Variants in DHX36 observed in about 807,000 individuals in gnomAD.
The protein encoded by DHX36 is ATP-dependent DNA/RNA helicase DHX36.
Under a neutral mutation model 139.0 loss-of-function variants are expected in DHX36, and 50 were observed. The ratio of observed to expected loss-of-function variants is 0.36; its 90% CI spans 0.29 to 0.46. The LOEUF is 0.46. Among genes scored for constraint, DHX36 ranks in the 20% least tolerant of loss-of-function variants. The probability of loss-of-function intolerance (pLI) is 1.00; values close to 1 mark genes in which losing one functional copy is unlikely to be tolerated. For missense variants in DHX36, 1,024 were observed against 1,211.3 expected, an observed-to-expected ratio of 0.85 and a Z score of 2.29; for synonymous variants, 425 against 401.9, an observed-to-expected ratio of 1.06 and a Z score of -0.69.
chr3:154,285,906 G>C (rs1485155598), intron 17 of DHX36, among the ~76,000 whole-genome samples: 3 of 150,404 alleles, frequency 2.0e-5, no homozygotes. Context: ...ATCTTACAAG[G>C]ACATCTGAAG....
chr3:154,318,471 G>GT (rs1713071952), intron 1 of DHX36, among the ~76,000 whole-genome samples: 1 of 151,800 alleles, frequency 6.6e-6, no homozygotes, highest in Non-Finnish European at 1.5e-5. Flanking sequence ...CTTCCTGCCC[G>GT]TAACAGCACA....
intron 19 of DHX36, among the ~76,000 whole-genome samples, chr3:154,284,064 G>T (rs573916885): frequency 3.3e-5 from 5 of 151,940 alleles, no homozygotes; most frequent in Non-Finnish European, 5.9e-5. Flanking sequence ...TCCCCAAAAC[G>T]GTAAATGTAA....
chr3:154,275,294 T>C lies in DHX36; in HGVS notation c.*877A>G, dbSNP rs1488026805. ...TACCTAATACAATGTAAATACTATA[T>C]AAATAGCTGTTAAACTGTATTGTTT... On this transcript the variant is annotated 3_prime_UTR_variant, in exon 25 of 25. Coordinates refer to ENST00000496811, the MANE Select transcript of DHX36 (RefSeq NM_020865.3). The C allele has an allele frequency of 2.0e-5, 3 of 152,252 alleles. No individual in the cohort carries two copies. The highest frequency in any genetic ancestry group is 2.1e-4 in the South Asian group (1 of 4,832). 9.4% of individuals were successfully genotyped at this position (152,252 alleles called of 1,614,324 possible). A position where few individuals can be genotyped will look rare whatever the true frequency, so the allele number is the denominator to read the frequency against.
chr3:154,324,367 C>T lies in DHX36; in HGVS notation c.50G>A (p.Ser17Asn), dbSNP rs758611003. Residue 17 changes from serine to asparagine, a missense_variant, in exon 1 of 25, where the codon AGC becomes AAC. By Grantham distance (46) the Ser-to-Asn change is conservative. Around this residue, in one of 4 missense-constraint regions of DHX36, gnomAD observed 293 missense variants for 274.4 expected, o/e 1.07. Coordinates refer to ENST00000496811, the MANE Select transcript of DHX36 (RefSeq NM_020865.3). Reference protein sequence around the residue: ...QNWGRDGGPRSSGGGYGGGPA... With the variant: ...QNWGRDGGPRNSGGGYGGGPA... ...CCCCCCTCCATAGCCCCCACCGGAG[C>T]TGCGGGGACCCCCATCACGGCCCCA... is the stretch of plus-strand genomic sequence containing the variant. 1.7e-5 allele frequency: 27 copies of T among 1,591,206 alleles called. No homozygotes were observed. The highest frequency in any genetic ancestry group is 2.1e-5 in the Non-Finnish European group (24 of 1,166,712).
In DHX36 at chr3:154,314,217, G is replaced by C. The variant is rs1712874625; in HGVS notation, c.603+829C>G. The stretch of plus-strand genomic sequence containing the variant: ...ATTTTTACCCAACAGGCATCAAAGA[G>C]CTACACAATTTGGCCCTGGACAACC... On this transcript the variant is annotated intron_variant, in intron 3 of 24. Transcript: ENST00000496811. Among the ~76,000 whole-genome samples, 3 of 152,228 alleles carry C rather than the reference G, an allele frequency of 2.0e-5. 1 individual carries two copies. In the South Asian group the frequency reaches 6.2e-4, roughly 32 times the overall value.
chr3:154,282,127 AT>A (rs1334931656), intron 20 of DHX36, among the ~76,000 whole-genome samples: 2 of 152,092 alleles, frequency 1.3e-5, no homozygotes, highest in African/African-American at 4.8e-5. Context: ...TCATTTCATT[AT>A]TTCCATTTCA....
intron 8 of DHX36, among the ~76,000 whole-genome samples, chr3:154,304,503 C>T (rs1173709090): frequency 6.6e-6 from 1 of 152,080 alleles, no homozygotes; most frequent in Non-Finnish European, 1.5e-5. Context: ...GTGATAAAAG[C>T]CACAGAAAAA....
chr3:154,282,536 T>C (rs1719365205), intron 20 of DHX36, among the ~76,000 whole-genome samples: 1 of 152,158 alleles, frequency 6.6e-6, no homozygotes, highest in Non-Finnish European at 1.5e-5. Context: ...TCCACTCTTT[T>C]TTTTTTCTTT....
chr3:154,301,555 G>A (rs993046523), intron 9 of DHX36, among the ~76,000 whole-genome samples: 1 of 152,084 alleles, frequency 6.6e-6, no homozygotes, highest in Non-Finnish European at 1.5e-5. Flanking sequence ...TATGCCTTGG[G>A]TCTGTTAATC....
At chr3:154,318,161 G>C (rs1222015175) in intron 1 of DHX36, among the ~76,000 whole-genome samples, 1 of 152,004 alleles carries the variant, frequency 6.6e-6, no homozygotes, top group Non-Finnish European at 1.5e-5. Flanking sequence ...ATGGGTAGGA[G>C]GATAACCTAA....
chr3:154,306,107 G>T (rs1396159276), intron 6 of DHX36, 109 bp downstream of exon 6: 2 of 776,842 alleles, frequency 2.6e-6, no homozygotes, highest in Non-Finnish European at 4.2e-6. Context: ...AATGGTAATT[G>T]TAATAGTAAT....
In DHX36 at chr3:154,276,728, A is replaced by G. The variant is rs1191190393; in HGVS notation, c.2841+19T>C. On this transcript the variant is annotated intron_variant, in intron 24 of 24. Coordinates refer to ENST00000496811, the MANE Select transcript of DHX36 (RefSeq NM_020865.3). ...CTGACTTACATGTAGATTTAAGATA[A>G]TCACATAAAGTCAGTCACCTTAACA... 1.2e-6 allele frequency: 2 copies of G among 1,611,532 alleles called. No individual in the cohort carries two copies. Among genetic ancestry groups the G allele is most frequent in the East Asian group, 2.2e-5 (1 of 44,758 alleles).
rs537396442 is a variant in DHX36, at chr3:154,286,667, A to C, written c.2032-1680T>G. Reference sequence around the variant, plus strand: ...AGGAATAGATGATGATCTTTTTGCTAAGACTCAATACTGTAAAGATGTCAG... The same window carrying C: ...AGGAATAGATGATGATCTTTTTGCTCAGACTCAATACTGTAAAGATGTCAG... On this transcript the variant is annotated intron_variant, in intron 17 of 24. Coordinates refer to ENST00000496811, the MANE Select transcript of DHX36 (RefSeq NM_020865.3). 1.4e-4 allele frequency among the ~76,000 whole-genome samples: 22 copies of C among 152,172 alleles called. No individual in the cohort carries two copies. The South Asian group carries it at 1.9e-3, about 13-fold the overall frequency.
chr3:154,287,949 T>C (rs765872675), intron 17 of DHX36, among the ~76,000 whole-genome samples: 18 of 150,430 alleles, frequency 1.2e-4, no homozygotes, highest in Non-Finnish European at 2.2e-4. Flanking sequence ...ATAAGAAAGG[T>C]TGGTGAAGCT....
At chr3:154,301,885 G>A (rs1712308574) in intron 9 of DHX36, among the ~76,000 whole-genome samples, 1 of 151,904 alleles carries the variant, frequency 6.6e-6, no homozygotes, top group Admixed American at 6.6e-5. Flanking sequence ...TCAACTAGAG[G>A]ACAGCATCTA....
At chr3:154,300,495 T>G in intron 11 of DHX36, 99 bp downstream of exon 11, 1 of 902,992 alleles carries the variant, frequency 1.1e-6, no homozygotes, top group Non-Finnish European at 1.7e-6. Flanking sequence ...TTTCTTCCAG[T>G]CTATTTCATA....
chr3:154,300,969 C>T lies in DHX36; in HGVS notation c.1358+18G>A. 1 of 1,609,246 alleles carries T rather than the reference C, an allele frequency of 6.2e-7. No individual in the cohort carries two copies. The highest frequency in any genetic ancestry group is 8.5e-7 in the Non-Finnish European group (1 of 1,179,014). ...TATTTAGCCACTGATTTCTCACCTT[C>T]AGACAAAATAAACTTACCTTCTTCG... On this transcript the variant is annotated intron_variant, in intron 10 of 24. Transcript: ENST00000496811.
At position 154,283,276 on chromosome 3, in the gene DHX36, G is replaced by A. The variant is rs745348106; in HGVS notation, c.2293-5C>T. On this transcript the variant is annotated splice_polypyrimidine_tract_variant and splice_region_variant and intron_variant, in intron 19 of 24. Coordinates refer to ENST00000496811, the MANE Select transcript of DHX36 (RefSeq NM_020865.3). ...TCGCCTAGCCTCTTCCCAGCCCTAT[G>A]GGGCAAAGAAATGAAGAAATCTATA... is the stretch of plus-strand genomic sequence containing the variant. 3.2e-5 allele frequency: 52 copies of A among 1,601,234 alleles called. No homozygotes were observed. The highest frequency in any genetic ancestry group is 4.3e-5 in the Non-Finnish European group (50 of 1,169,104).
intron 1 of DHX36, among the ~76,000 whole-genome samples, chr3:154,323,810 A>C (rs1713293190): frequency 6.6e-6 from 1 of 152,168 alleles, no homozygotes; most frequent in Non-Finnish European, 1.5e-5. Context: ...CCAGGCAAAG[A>C]CCTTAAAGTG....
Sources: gnomAD v4.1 joint callset for allele counts (sites outside exome capture counted in the v4.1 genomes callset) on GRCh38, gnomAD v4.1.1 for gene constraint, gnomAD v4.1.1 regional missense constraint, MANE v1.5 for transcripts, NCBI Gene and HGNC (gene_info 2026-07-23, HGNC 2026-07-21) for gene names.